EXOC4: variants seen among roughly 807,000 people sequenced by gnomAD.
EXOC4 encodes the protein exocyst complex component 4, also known as SEC8-like 1.
A neutral mutation model predicts 107.2 loss-of-function variants in EXOC4; 71 were observed. The observed-to-expected ratio is 0.66, with a 90% CI of 0.55 to 0.81. The LOEUF (loss-of-function observed/expected upper bound fraction) is 0.81. Among genes scored for constraint, EXOC4 ranks in the 30% least tolerant of loss-of-function variants. The pLI, the probability that EXOC4 is intolerant of heterozygous loss-of-function variation, is 0.00. For missense variants in EXOC4, 1,108 were observed against 1,189.6 expected (o/e 0.93, Z 1.01); for synonymous variants, 456 against 441.2 (o/e 1.03, Z -0.42).
intron 7 of EXOC4, among the ~76,000 whole-genome samples, chr7:133,436,276 A>C (rs1462337815): frequency 6.6e-6 from 1 of 152,036 alleles, no homozygotes; most frequent in Non-Finnish European, 1.5e-5. Context: ...ATGTGCCCTG[A>C]GCTCTGCCCT....
chr7:133,612,904 G>A (rs971194954), intron 9 of EXOC4, among the ~76,000 whole-genome samples: 24 of 152,166 alleles, frequency 1.6e-4, no homozygotes, highest in African/African-American at 5.5e-4. Flanking sequence ...TACTGTACCT[G>A]TACATGGTTG....
intron 7 of EXOC4, among the ~76,000 whole-genome samples, chr7:133,416,766 T>G (rs1383314546): frequency 1.3e-5 from 2 of 152,152 alleles, no homozygotes; most frequent in Non-Finnish European, 2.9e-5. Flanking sequence ...CAACAGTACA[T>G]TTTTTAAAGA....
chr7:133,660,505 A>C, intron 10 of EXOC4, among the ~76,000 whole-genome samples: 1 of 152,116 alleles, frequency 6.6e-6, no homozygotes, highest in East Asian at 1.9e-4. Context: ...TGATAACAGG[A>C]GTATAGCACA....
intron 7 of EXOC4, among the ~76,000 whole-genome samples, chr7:133,429,773 T>TG (rs34074394): frequency 6.6e-6 from 1 of 152,256 alleles, no homozygotes; most frequent in Non-Finnish European, 1.5e-5. Context: ...TGTTATAGCA[T>TG]GGCAGTACCT....
At chr7:133,719,915 A>G (rs1432504065) in intron 10 of EXOC4, among the ~76,000 whole-genome samples, 1 of 152,112 alleles carries the variant, frequency 6.6e-6, no homozygotes, top group Non-Finnish European at 1.5e-5. Context: ...GGATGGATGG[A>G]TGGATGGATG....
intron 7 of EXOC4, among the ~76,000 whole-genome samples, chr7:133,378,461 T>C (rs1374464786): frequency 3.9e-5 from 6 of 152,124 alleles, no homozygotes; most frequent in African/African-American, 1.4e-4. Context: ...TGATTTATTT[T>C]TATTAAAAGA....
chr7:133,755,239 ATAT>A, intron 10 of EXOC4, among the ~76,000 whole-genome samples: 1 of 104,290 alleles, frequency 9.6e-6, no homozygotes, highest in African/African-American at 4.1e-5. Context: ...TATATAATAT[ATAT>A]AATATATATA....
chr7:133,935,940 T>C (rs1012815658), intron 13 of EXOC4, among the ~76,000 whole-genome samples: 1 of 152,216 alleles, frequency 6.6e-6, no homozygotes, highest in Non-Finnish European at 1.5e-5. Context: ...ATCAGGTCAG[T>C]TCTTTTACCT....
At chr7:133,660,021 T>C (rs1195144765) in intron 10 of EXOC4, among the ~76,000 whole-genome samples, 1 of 152,172 alleles carries the variant, frequency 6.6e-6, no homozygotes, top group African/African-American at 2.4e-5. Context: ...GCTGACACCA[T>C]CAGCCACCAA....
chr7:133,887,686 C>G (rs1015508868), intron 11 of EXOC4, among the ~76,000 whole-genome samples: 10 of 152,162 alleles, frequency 6.6e-5, no homozygotes, highest in African/African-American at 2.4e-4. Context: ...GGGACCAGAA[C>G]AAGGCCCTTT....
At chr7:133,373,450 C>T (rs1584863212) in intron 6 of EXOC4, among the ~76,000 whole-genome samples, 1 of 152,054 alleles carries the variant, frequency 6.6e-6, no homozygotes, top group African/African-American at 2.4e-5. Flanking sequence ...GATTTTGTCT[C>T]ATCTGAATTA....
At chr7:133,463,641 T>A (rs1798646197) in intron 7 of EXOC4, among the ~76,000 whole-genome samples, 1 of 152,164 alleles carries the variant, frequency 6.6e-6, no homozygotes, top group African/African-American at 2.4e-5. Flanking sequence ...TAGTGTTAGT[T>A]CTTACAGCCT....
chr7:133,761,145 G>A (rs1025248049), intron 10 of EXOC4, among the ~76,000 whole-genome samples: 2 of 152,154 alleles, frequency 1.3e-5, no homozygotes, highest in African/African-American at 4.8e-5. Context: ...GTCTTAGAGG[G>A]AGATTAGCAT....
chr7:133,466,392 A>G (rs1163798540), intron 7 of EXOC4, among the ~76,000 whole-genome samples: 1 of 152,178 alleles, frequency 6.6e-6, no homozygotes. Context: ...GAGGAGATAT[A>G]ACTACAGGCT....
At chr7:133,564,480 A>G (rs1800869496) in intron 9 of EXOC4, among the ~76,000 whole-genome samples, 1 of 152,126 alleles carries the variant, frequency 6.6e-6, no homozygotes, top group Non-Finnish European at 1.5e-5. Context: ...GATCCAAACC[A>G]TATCACAGGT....
At chr7:133,326,917 C>T (rs1043735155) in intron 5 of EXOC4, among the ~76,000 whole-genome samples, 2 of 152,228 alleles carry the variant, frequency 1.3e-5, no homozygotes, top group Non-Finnish European at 2.9e-5. Context: ...GCAGGCGCCC[C>T]TTCCCCAGCC....
intron 12 of EXOC4, among the ~76,000 whole-genome samples, chr7:133,913,579 A>G (rs943923045): frequency 6.6e-6 from 1 of 152,226 alleles, no homozygotes; most frequent in African/African-American, 2.4e-5. Context: ...ATGACTCTGC[A>G]TTCCTGAGTT....
intron 7 of EXOC4, 138 bp downstream of exon 7, chr7:133,375,140 A>G: frequency 1.4e-6 from 1 of 706,802 alleles, no homozygotes. Flanking sequence ...TTGCATTTGA[A>G]TGTGATGTTG....
intron 14 of EXOC4, among the ~76,000 whole-genome samples, chr7:133,976,797 T>C (rs746489870): frequency 6.6e-6 from 1 of 152,234 alleles, no homozygotes; most frequent in Non-Finnish European, 1.5e-5. Flanking sequence ...TTTTTTTAAC[T>C]TAGCTCTTAT....
Sources: gnomAD v4.1 joint callset for allele counts (sites outside exome capture counted in the v4.1 genomes callset) on GRCh38, gnomAD v4.1.1 for gene constraint, MANE v1.5 for transcripts, NCBI Gene and HGNC (gene_info 2026-07-23, HGNC 2026-07-21) for gene names.